Variants in IQCJ observed in about 807,000 individuals in gnomAD.
IQCJ encodes IQ motif containing J.
IQCJ carries 9 observed loss-of-function variants against 11.0 expected under a neutral mutation model. That is an observed-to-expected ratio of 0.82 (90% CI 0.49 to 1.43). The LOEUF (loss-of-function observed/expected upper bound fraction) is 1.43, where lower values mean the gene tolerates loss of function less well. IQCJ is among the 40% of genes most tolerant of loss of function. The pLI is 0.00. For missense variants in IQCJ, 146 were observed against 133.2 expected (o/e 1.10, Z -0.47); for synonymous variants, 55 against 51.3 (o/e 1.07, Z -0.31).
chr3:159,126,022 G>A (rs578220496), intron 1 of IQCJ, among the ~76,000 whole-genome samples: 7 of 152,328 alleles, frequency 4.6e-5, no homozygotes, highest in South Asian at 4.1e-4. Flanking sequence ...AGAGCAGGGC[G>A]GGGCACATTG....
At chr3:159,175,530 C>T (rs146575177) in intron 1 of IQCJ, among the ~76,000 whole-genome samples, 3 of 152,256 alleles carry the variant, frequency 2.0e-5, no homozygotes, top group Non-Finnish European at 4.4e-5. Context: ...TTCCCCTCAT[C>T]CCTTTTCGTG....
chr3:159,112,287 C>T (rs1718679026), intron 1 of IQCJ, among the ~76,000 whole-genome samples: 1 of 152,134 alleles, frequency 6.6e-6, no homozygotes, highest in Admixed American at 6.5e-5. Context: ...GTTTATTTTT[C>T]TGCCTCACTG....
intron 1 of IQCJ, among the ~76,000 whole-genome samples, chr3:159,232,435 C>T (rs1366473375): frequency 3.4e-5 from 5 of 148,018 alleles, no homozygotes; most frequent in South Asian, 4.3e-4. Context: ...CGTGTAGTGC[C>T]GTTTTGAGAG....
At chr3:159,085,855 C>T (rs1716718156) in intron 1 of IQCJ, among the ~76,000 whole-genome samples, 1 of 150,760 alleles carries the variant, frequency 6.6e-6, no homozygotes, top group Non-Finnish European at 1.5e-5. Flanking sequence ...AATTTTCTCC[C>T]ATTTTATAGG....
chr3:159,096,256 T>C (rs2108094218), intron 1 of IQCJ, among the ~76,000 whole-genome samples: 1 of 148,248 alleles, frequency 6.7e-6, no homozygotes, highest in Non-Finnish European at 1.5e-5. Flanking sequence ...TTGTAGATTC[T>C]GGATATTAGC....
intron 1 of IQCJ, among the ~76,000 whole-genome samples, chr3:159,225,859 C>T (rs1262702935): frequency 6.6e-6 from 1 of 152,238 alleles, no homozygotes; most frequent in Non-Finnish European, 1.5e-5. Flanking sequence ...GCCATCTATA[C>T]TTCTGCCTGA....
At chr3:159,174,704 T>C (rs1182231642) in intron 1 of IQCJ, among the ~76,000 whole-genome samples, 1 of 152,238 alleles carries the variant, frequency 6.6e-6, no homozygotes, top group Non-Finnish European at 1.5e-5. Flanking sequence ...CATTTATCCA[T>C]ATTTGTACAC....
intron 1 of IQCJ, among the ~76,000 whole-genome samples, chr3:159,222,389 C>A (rs865848915): frequency 6.6e-6 from 1 of 152,074 alleles, no homozygotes; most frequent in African/African-American, 2.4e-5. Context: ...TATGGATGAA[C>A]CTGGAGGATA....
chr3:159,151,560 A>G (rs1404576153), intron 1 of IQCJ, among the ~76,000 whole-genome samples: 1 of 152,192 alleles, frequency 6.6e-6, no homozygotes, highest in Non-Finnish European at 1.5e-5. Context: ...AGCTCAGTCA[A>G]GTTACTTACC....
At chr3:159,118,400 G>A (rs1013922366) in intron 1 of IQCJ, among the ~76,000 whole-genome samples, 1 of 152,062 alleles carries the variant, frequency 6.6e-6, no homozygotes, top group African/African-American at 2.4e-5. Flanking sequence ...CTCAAATAAT[G>A]GCAAAAACGA....
At position 159,258,139 on chromosome 3, in the gene IQCJ, T is replaced by C. The variant is rs189896293; in HGVS notation, c.156-4409T>C. Among the ~76,000 whole-genome samples the C allele has an allele frequency of 1.2e-3, 185 of 152,352 alleles. 1 individual carries two copies. The highest frequency in any genetic ancestry group is 4.4e-3 in the African/African-American group (181 of 41,590). ...TTCTTCTTCTATAAACTCTGCTCTTTCCATGATTCATTCTCATGTGGGTTC... is the reference window on the plus strand; with the variant it reads ...TTCTTCTTCTATAAACTCTGCTCTTCCCATGATTCATTCTCATGTGGGTTC... On this transcript the variant is annotated intron_variant, in intron 3 of 3. Coordinates refer to ENST00000397832, the MANE Select transcript of IQCJ (RefSeq NM_001042706.3).
chr3:159,185,130 A>G (rs191293747), intron 1 of IQCJ, among the ~76,000 whole-genome samples: 1 of 152,338 alleles, frequency 6.6e-6, no homozygotes, highest in Admixed American at 6.5e-5. Context: ...AATCCATAAC[A>G]GAAAAATGAA....
intron 1 of IQCJ, among the ~76,000 whole-genome samples, chr3:159,242,812 A>G (rs1727013297): frequency 6.6e-6 from 1 of 152,132 alleles, no homozygotes; most frequent in Non-Finnish European, 1.5e-5. Context: ...TAAATAACAA[A>G]AATAAAGTAA....
chr3:159,119,125 T>TA (rs1280581153), intron 1 of IQCJ, among the ~76,000 whole-genome samples: 2 of 152,340 alleles, frequency 1.3e-5, no homozygotes, highest in East Asian at 3.9e-4. Flanking sequence ...CATTCCTACT[T>TA]ACACCTGGGT....
intron 1 of IQCJ, among the ~76,000 whole-genome samples, chr3:159,146,321 A>T (rs1209915489): frequency 6.6e-6 from 1 of 151,058 alleles, no homozygotes; most frequent in South Asian, 2.2e-4. Context: ...AAATCCAAGT[A>T]AAAAAAAAGG....
At chr3:159,109,527 T>TGA in intron 1 of IQCJ, among the ~76,000 whole-genome samples, 1 of 122,672 alleles carries the variant, frequency 8.2e-6, no homozygotes, top group Middle Eastern at 4.5e-3. Flanking sequence ...TTGTATTAAC[T>TGA]AAAAAAAAAA....
chr3:159,208,544 A>G (rs1724782188), intron 1 of IQCJ, among the ~76,000 whole-genome samples: 1 of 152,170 alleles, frequency 6.6e-6, no homozygotes, highest in Non-Finnish European at 1.5e-5. Context: ...ACTTGTCCTC[A>G]TCCAGGATTC....
At chr3:159,122,838 G>A (rs886449426) in intron 1 of IQCJ, among the ~76,000 whole-genome samples, 1 of 152,152 alleles carries the variant, frequency 6.6e-6, no homozygotes, top group Non-Finnish European at 1.5e-5. Flanking sequence ...AAATAAATAA[G>A]CTACATTCTT....
At chr3:159,192,416 T>C (rs1234389926) in intron 1 of IQCJ, among the ~76,000 whole-genome samples, 2 of 152,138 alleles carry the variant, frequency 1.3e-5, no homozygotes, top group Non-Finnish European at 2.9e-5. Flanking sequence ...GGGAACTTCT[T>C]GGGGAGTGGT....
Sources: allele counts gnomAD v4.1 joint callset (sites outside exome capture counted in the v4.1 genomes callset), GRCh38; gene constraint gnomAD v4.1.1; transcripts MANE v1.5; gene names NCBI Gene and HGNC (gene_info 2026-07-23, HGNC 2026-07-21).